The following ATP11C variants were observed in gnomAD, a reference collection of about 807,000 sequenced individuals.
ATP11C encodes the protein phospholipid-transporting ATPase IG.
In ATP11C, 36 loss-of-function variants were observed where a neutral mutation model predicts 97.4. The ratio of observed to expected loss-of-function variants is 0.37; its 90% CI spans 0.28 to 0.49. The LOEUF (loss-of-function observed/expected upper bound fraction) is 0.49, where lower values mean the gene tolerates loss of function less well. Ranked by LOEUF, ATP11C falls within the 20% of genes least tolerant of loss-of-function variation. ATP11C has a pLI of 0.98. For synonymous variants in ATP11C, 275 were observed against 290.9 expected (o/e 0.95, Z 0.56); for missense variants, 730 against 824.6 (o/e 0.89, Z 1.40).
At chrX:139,838,440 A>G (rs1245841858) in intron 1 of ATP11C, among the ~76,000 whole-genome samples, 1 of 111,891 alleles carries the variant, frequency 8.9e-6, no homozygotes, top group Non-Finnish European at 1.9e-5. Context: ...ACAAGTGTTG[A>G]CAAGGATGTG....
At chrX:139,929,477 T>C (rs933401925) in intron 1 of ATP11C, among the ~76,000 whole-genome samples, 1 of 112,023 alleles carries the variant, frequency 8.9e-6, no homozygotes, top group African/African-American at 3.2e-5. Flanking sequence ...AACTGAGCTA[T>C]AGAAGATGAT....
chrX:139,914,899 T>C (rs1012937897), intron 1 of ATP11C, among the ~76,000 whole-genome samples: 4 of 111,871 alleles, frequency 3.6e-5, no homozygotes, highest in African/African-American at 1.3e-4. Context: ...TGGTTCTGTT[T>C]CTCTGGAGAA....
At chrX:139,755,041 T>C (rs1294475325) in intron 23 of ATP11C, among the ~76,000 whole-genome samples, 1 of 112,071 alleles carries the variant, frequency 8.9e-6, no homozygotes, top group Non-Finnish European at 1.9e-5. Flanking sequence ...AGACAGCAAG[T>C]CAAACTATCC....
At chrX:139,789,990 A>G (rs1230643976) in intron 12 of ATP11C, among the ~76,000 whole-genome samples, 1 of 109,787 alleles carries the variant, frequency 9.1e-6, no homozygotes, top group African/African-American at 3.3e-5. Context: ...AGATCACATC[A>G]CTATACTCCA....
intron 1 of ATP11C, among the ~76,000 whole-genome samples, chrX:139,920,297 C>CAA (rs929187489): frequency 4.7e-5 from 5 of 105,507 alleles, no homozygotes; most frequent in African/African-American, 1.8e-4. Flanking sequence ...GCACAGGTTG[C>CAA]AGTGAGCCGA....
chrX:139,790,091 C>CT (rs1324893560), intron 12 of ATP11C, among the ~76,000 whole-genome samples: 1 of 109,837 alleles, frequency 9.1e-6, no homozygotes, highest in Non-Finnish European at 1.9e-5. Context: ...TTAAGTTAAC[C>CT]TTTTTTAAGA....
chrX:139,792,772 A>G (rs2082720085), intron 12 of ATP11C, among the ~76,000 whole-genome samples: 1 of 111,944 alleles, frequency 8.9e-6, no homozygotes, highest in African/African-American at 3.2e-5. Context: ...GGTGCGCCCA[A>G]GGAAGGTATG....
intron 1 of ATP11C, among the ~76,000 whole-genome samples, chrX:139,851,069 A>C (rs2083982054): frequency 8.9e-6 from 1 of 112,047 alleles, no homozygotes; most frequent in South Asian, 3.8e-4. Context: ...GGAATCACCA[A>C]GACAATGGAG....
At chrX:139,840,589 T>C (rs1159556186) in intron 1 of ATP11C, among the ~76,000 whole-genome samples, 1 of 112,152 alleles carries the variant, frequency 8.9e-6, no homozygotes, top group Non-Finnish European at 1.9e-5. Context: ...TACAGAAAAT[T>C]TTCTGTGAAC....
At chrX:139,800,280 G>C (rs1295261710) in intron 7 of ATP11C, among the ~76,000 whole-genome samples, 170 bp from the exon 8 acceptor site, 1 of 111,630 alleles carries the variant, frequency 9.0e-6, no homozygotes, top group Non-Finnish European at 1.9e-5. Flanking sequence ...ATGTTGAATT[G>C]ATAAGGTGTA....
At chrX:139,909,809 G>A (rs2085043046) in intron 1 of ATP11C, 1 of 111,791 alleles carries the variant, frequency 8.9e-6, no homozygotes, top group African/African-American at 3.3e-5. Context: ...GGATACTACA[G>A]AATTCAGCTG....
chrX:139,847,915 T>C (rs773480547), intron 1 of ATP11C, among the ~76,000 whole-genome samples: 9 of 110,941 alleles, frequency 8.1e-5, no homozygotes, highest in Non-Finnish European at 1.5e-4. Context: ...TTATAGAGTC[T>C]ATTACTCCAT....
At chrX:139,847,801 A>G (rs1042676801) in intron 1 of ATP11C, among the ~76,000 whole-genome samples, 1 of 110,333 alleles carries the variant, frequency 9.1e-6, no homozygotes, top group African/African-American at 3.3e-5. Context: ...AACCACCCAC[A>G]TTCCTTGAAA....
chrX:139,810,046 A>C (rs756389429), intron 5 of ATP11C, among the ~76,000 whole-genome samples: 7 of 112,442 alleles, frequency 6.2e-5, no homozygotes, highest in Non-Finnish European at 1.3e-4. Flanking sequence ...AAATAGTAAC[A>C]TATTGTGGGC....
chrX:139,922,944 C>T (rs978146256), intron 1 of ATP11C, among the ~76,000 whole-genome samples: 3 of 110,923 alleles, frequency 2.7e-5, no homozygotes, highest in African/African-American at 9.9e-5. Flanking sequence ...CTCTCCATCA[C>T]ACCTGGCTAA....
intron 1 of ATP11C, among the ~76,000 whole-genome samples, chrX:139,880,630 G>A (rs973806015): frequency 1.8e-5 from 2 of 111,406 alleles, no homozygotes; most frequent in African/African-American, 6.5e-5. Context: ...TCCACTGAAA[G>A]GGAAGAAAGG....
chrX:139,918,796 T>C (rs2085200192), intron 1 of ATP11C, among the ~76,000 whole-genome samples: 2 of 108,792 alleles, frequency 1.8e-5, no homozygotes, highest in African/African-American at 6.7e-5. Context: ...CTGCATGAAG[T>C]GGGGGAGCTG....
At chrX:139,749,987 G>A (rs1353846266) in intron 24 of ATP11C, 38 bp downstream of exon 24, 4 of 1,143,288 alleles carry the variant, frequency 3.5e-6, no homozygotes, top group African/African-American at 3.6e-5. Flanking sequence ...TCACAACACT[G>A]AAAGTCTTAG....
At chrX:139,926,864 G>C (rs2085358898) in intron 1 of ATP11C, among the ~76,000 whole-genome samples, 1 of 112,272 alleles carries the variant, frequency 8.9e-6, no homozygotes, top group Non-Finnish European at 1.9e-5. Flanking sequence ...AGTTACAGTG[G>C]TTCATTTCTA....
Sources: gnomAD v4.1 joint callset for allele counts (sites outside exome capture counted in the v4.1 genomes callset) on GRCh38, gnomAD v4.1.1 for gene constraint, MANE v1.5 for transcripts, NCBI Gene and HGNC (gene_info 2026-07-23, HGNC 2026-07-21) for gene names.